Variants in PKP4 observed in about 807,000 individuals in gnomAD.
PKP4 encodes the protein plakophilin-4.
In PKP4, 90 loss-of-function variants were observed where a neutral mutation model predicts 145.1. The observed-to-expected ratio is 0.62, with a 90% CI of 0.52 to 0.74. The LOEUF (loss-of-function observed/expected upper bound fraction) is 0.74. Among genes scored for constraint, PKP4 ranks in the 30% least tolerant of loss-of-function variants. The pLI, the probability that PKP4 is intolerant of heterozygous loss-of-function variation, is 0.00. For synonymous variants in PKP4, 563 were observed against 577.2 expected (o/e 0.98, Z 0.35); for missense variants, 1,340 against 1,482.7 (o/e 0.90, Z 1.58).
At chr2:158,584,411 G>A (rs574889937) in intron 3 of PKP4, among the ~76,000 whole-genome samples, 1 of 152,308 alleles carries the variant, frequency 6.6e-6, no homozygotes, top group South Asian at 2.1e-4. Flanking sequence ...TGGAAGACTC[G>A]GCCAGGAGAA....
At chr2:158,640,875 T>C (rs891380745) in intron 10 of PKP4, 116 bp downstream of exon 10, 1 of 1,066,570 alleles carries the variant, frequency 9.4e-7, no homozygotes, top group Admixed American at 2.0e-5. Flanking sequence ...TTTAAAGGGA[T>C]ATTTTGATAC....
intron 1 of PKP4, among the ~76,000 whole-genome samples, chr2:158,509,011 T>G (rs2041259236): frequency 1.3e-5 from 2 of 152,228 alleles, no homozygotes. Flanking sequence ...CTAAGAGAAA[T>G]ATCTACCTAT....
intron 2 of PKP4, among the ~76,000 whole-genome samples, chr2:158,569,021 C>T (rs1260989020): frequency 6.6e-6 from 1 of 152,150 alleles, no homozygotes; most frequent in Non-Finnish European, 1.5e-5. Context: ...AAGCATGAGA[C>T]TCTACCTGTC....
chr2:158,618,073 C>T (rs1006677001), intron 4 of PKP4, among the ~76,000 whole-genome samples: 3 of 152,170 alleles, frequency 2.0e-5, no homozygotes, highest in Admixed American at 1.3e-4. Flanking sequence ...ATCCCAGCTA[C>T]TCAGGAGGCT....
intron 2 of PKP4, among the ~76,000 whole-genome samples, chr2:158,570,982 G>T (rs1400733791): frequency 6.6e-6 from 1 of 152,128 alleles, no homozygotes; most frequent in East Asian, 1.9e-4. Context: ...TCTGGATGAG[G>T]CAGGAGAGCA....
At chr2:158,491,104 T>C (rs1028052193) in intron 1 of PKP4, among the ~76,000 whole-genome samples, 2 of 152,228 alleles carry the variant, frequency 1.3e-5, no homozygotes, top group African/African-American at 4.8e-5. Context: ...CTGTGTTAGC[T>C]TGTTGATTCT....
At chr2:158,525,947 C>A (rs2042888161) in intron 1 of PKP4, among the ~76,000 whole-genome samples, 1 of 151,194 alleles carries the variant, frequency 6.6e-6, no homozygotes, top group Admixed American at 6.6e-5. Flanking sequence ...GAAGTTGAAT[C>A]TCTGAATAGA....
At chr2:158,523,409 G>A (rs1396483212) in intron 1 of PKP4, among the ~76,000 whole-genome samples, 1 of 101,622 alleles carries the variant, frequency 9.8e-6, no homozygotes, top group Admixed American at 1.1e-4. Flanking sequence ...CAACAGACCT[G>A]CAGCTGAGGG....
intron 1 of PKP4, among the ~76,000 whole-genome samples, chr2:158,490,477 G>A (rs1483261105): frequency 2.6e-5 from 4 of 152,128 alleles, no homozygotes; most frequent in African/African-American, 4.8e-5. Context: ...CAAAAAGCTT[G>A]TAACAAATTT....
chr2:158,592,701 A>G (rs903485578), intron 3 of PKP4, among the ~76,000 whole-genome samples: 2 of 152,168 alleles, frequency 1.3e-5, no homozygotes, highest in African/African-American at 4.8e-5. Context: ...CCTTTACATG[A>G]GTAGCAAAGA....
chr2:158,631,636 C>A, intron 7 of PKP4, 117 bp from the exon 8 acceptor site: 1 of 861,798 alleles, frequency 1.2e-6, no homozygotes, highest in Non-Finnish European at 1.9e-6. Flanking sequence ...AGCCATTCTC[C>A]CACCTCTGTC....
chr2:158,608,122 A>T (rs1345423116), intron 4 of PKP4, among the ~76,000 whole-genome samples: 2 of 152,352 alleles, frequency 1.3e-5, no homozygotes, highest in South Asian at 2.1e-4. Context: ...CCATGATGTG[A>T]TTATTATGCA....
chr2:158,594,909 C>T (rs1269446479), intron 3 of PKP4, among the ~76,000 whole-genome samples: 4 of 152,154 alleles, frequency 2.6e-5, no homozygotes, highest in African/African-American at 9.7e-5. Context: ...CCAACTCCCT[C>T]GTCCTTCAGC....
intron 6 of PKP4, among the ~76,000 whole-genome samples, chr2:158,623,113 A>G (rs1332560281): frequency 2.6e-5 from 4 of 152,154 alleles, no homozygotes; most frequent in African/African-American, 7.2e-5. Context: ...GTTGCAAGTC[A>G]TGTGGGATTT....
intron 1 of PKP4, among the ~76,000 whole-genome samples, chr2:158,490,706 G>C (rs1694818206): frequency 6.6e-6 from 1 of 152,060 alleles, no homozygotes; most frequent in African/African-American, 2.4e-5. Context: ...GTCTCTGTAG[G>C]TTTACAGTAG....
In PKP4 at chr2:158,634,930, T is replaced by C. The variant is rs181100184; in HGVS notation, c.1562+641T>C. On this transcript the variant is annotated intron_variant, in intron 9 of 21. Transcript: ENST00000389759. Reference sequence around the variant, plus strand: ...ATAATATGAGTCATTTAATACTTGATTGATTTTGAAAAACTGACCTTGTCC... The same window carrying C: ...ATAATATGAGTCATTTAATACTTGACTGATTTTGAAAAACTGACCTTGTCC... Among the ~76,000 whole-genome samples the C allele has an allele frequency of 1.8e-4, 27 of 152,318 alleles. No homozygotes were observed. The East Asian group carries it at 4.8e-3, about 27-fold the overall frequency.
chr2:158,578,298 TAAC>T (rs899311825), intron 3 of PKP4: 2 of 171,322 alleles, frequency 1.2e-5, no homozygotes, highest in African/African-American at 4.8e-5. Context: ...TCATCTCTCT[TAAC>T]AGTTGTGTAT....
chr2:158,459,871 C>A (rs1004701049), intron 1 of PKP4, among the ~76,000 whole-genome samples: 2 of 151,982 alleles, frequency 1.3e-5, no homozygotes, highest in Admixed American at 6.6e-5. Context: ...GTAAAGGTAA[C>A]CTTTCAGTTA....
chr2:158,484,318 A>T (rs1314233129), intron 1 of PKP4, among the ~76,000 whole-genome samples: 2 of 152,158 alleles, frequency 1.3e-5, no homozygotes, highest in East Asian at 1.9e-4. Context: ...AAGTGCTGGG[A>T]TTACAGGCGT....
Sources: allele counts gnomAD v4.1 joint callset (sites outside exome capture counted in the v4.1 genomes callset), GRCh38; gene constraint gnomAD v4.1.1; transcripts MANE v1.5; gene names NCBI Gene and HGNC (gene_info 2026-07-23, HGNC 2026-07-21).